MECOM: variants seen among roughly 807,000 people sequenced by gnomAD.
The protein encoded by MECOM is histone-lysine N-methyltransferase MECOM.
MECOM carries 13 observed loss-of-function variants against 116.3 expected under a neutral mutation model. The observed-to-expected ratio is 0.11, with a 90% CI of 0.07 to 0.18. The LOEUF (loss-of-function observed/expected upper bound fraction) is 0.18, where lower values mean the gene tolerates loss of function less well. Among genes scored for constraint, MECOM ranks in the 10% least tolerant of loss-of-function variants. The pLI, the probability that MECOM is intolerant of heterozygous loss-of-function variation, is 1.00. For missense variants in MECOM, 1,299 were observed against 1,509.0 expected (o/e 0.86, Z 2.31); for synonymous variants, 528 against 535.2 (o/e 0.99, Z 0.19).
chr3:169,326,901 G>T (rs1721920738), intron 2 of MECOM, among the ~76,000 whole-genome samples: 1 of 152,126 alleles, frequency 6.6e-6, no homozygotes, highest in African/African-American at 2.4e-5. Flanking sequence ...GACAATGTGG[G>T]TATATTTTAT....
intron 2 of MECOM, among the ~76,000 whole-genome samples, chr3:169,364,285 C>G (rs779995500): frequency 1.3e-5 from 2 of 151,932 alleles, no homozygotes; most frequent in South Asian, 4.1e-4. Flanking sequence ...GACATTATTA[C>G]TGCATAAGGA....
chr3:169,113,011 A>C, intron 8 of MECOM, 137 bp from the exon 9 acceptor site: 1 of 607,248 alleles, frequency 1.6e-6, no homozygotes, highest in Non-Finnish European at 2.8e-6. Context: ...CTATAGAGAC[A>C]TCTGTCCAGT....
At chr3:169,438,564 T>C (rs773246647) in intron 1 of MECOM, among the ~76,000 whole-genome samples, 13 of 152,328 alleles carry the variant, frequency 8.5e-5, no homozygotes, top group Non-Finnish European at 1.8e-4. Flanking sequence ...GTTGAGAGCT[T>C]ATCCCAGGGG....
At chr3:169,281,176 C>T (rs188648355) in intron 2 of MECOM, among the ~76,000 whole-genome samples, 1 of 152,330 alleles carries the variant, frequency 6.6e-6, no homozygotes, top group East Asian at 1.9e-4. Context: ...GCAGAATCTC[C>T]ATCCCCACCC....
At chr3:169,563,421 C>A (rs1762880664) in intron 1 of MECOM, among the ~76,000 whole-genome samples, 1 of 152,214 alleles carries the variant, frequency 6.6e-6, no homozygotes, top group Non-Finnish European at 1.5e-5. Context: ...TTGATATTGA[C>A]ATATCCCATG....
chr3:169,530,660 C>G (rs190774458), intron 1 of MECOM, among the ~76,000 whole-genome samples: 4 of 152,240 alleles, frequency 2.6e-5, no homozygotes, highest in African/African-American at 7.2e-5. Flanking sequence ...GGAGCGTAGA[C>G]AGCCTAATGT....
chr3:169,381,819 T>C (rs959154619), intron 1 of MECOM, among the ~76,000 whole-genome samples: 16 of 152,186 alleles, frequency 1.1e-4, no homozygotes, highest in African/African-American at 2.9e-4. Flanking sequence ...AACTTCATTA[T>C]TGGTCTGACT....
At chr3:169,262,149 C>T (rs1285740328) in intron 2 of MECOM, among the ~76,000 whole-genome samples, 1 of 152,198 alleles carries the variant, frequency 6.6e-6, no homozygotes, top group Non-Finnish European at 1.5e-5. Context: ...ATAGTAACAT[C>T]CTGATTTTTA....
At chr3:169,517,940 C>T (rs750953129) in intron 1 of MECOM, among the ~76,000 whole-genome samples, 1 of 152,194 alleles carries the variant, frequency 6.6e-6, no homozygotes, top group Non-Finnish European at 1.5e-5. Context: ...TTGTGCATAG[C>T]TATTTAATTA....
chr3:169,239,233 A>C (rs1468968629), intron 2 of MECOM, among the ~76,000 whole-genome samples: 1 of 152,136 alleles, frequency 6.6e-6, no homozygotes, highest in Non-Finnish European at 1.5e-5. Context: ...CAAAATAGTC[A>C]GATATGGTAC....
chr3:169,581,221 A>G (rs1433478029), intron 1 of MECOM, among the ~76,000 whole-genome samples: 1 of 152,216 alleles, frequency 6.6e-6, no homozygotes, highest in East Asian at 1.9e-4. Flanking sequence ...TGTCCAAATG[A>G]GTCCTGGGAA....
intron 7 of MECOM, among the ~76,000 whole-genome samples, chr3:169,118,042 T>C (rs985663328): frequency 4.6e-5 from 7 of 152,120 alleles, no homozygotes; most frequent in African/African-American, 1.7e-4. Flanking sequence ...ATTGCTTTCA[T>C]ATGATGGCTG....
At chr3:169,626,226 T>C (rs1255071583) in intron 1 of MECOM, among the ~76,000 whole-genome samples, 4 of 152,222 alleles carry the variant, frequency 2.6e-5, no homozygotes, top group African/African-American at 9.7e-5. Flanking sequence ...ATCCTCACCC[T>C]CCTAAACCTG....
rs571845371 is a variant in MECOM, at chr3:169,362,399, C to T, written c.375+18788G>A. Among the ~76,000 whole-genome samples the T allele has an allele frequency of 3.9e-5, 6 of 151,914 alleles. No individual in the cohort carries two copies. In the South Asian group the frequency reaches 1.0e-3, roughly 26 times the overall value. ...TAAAGTCAAATGACTTTTCCAAGTT[C>T]CCAAGTCTGACTTGTGCAAAAATTC... On this transcript the variant is annotated intron_variant, in intron 2 of 16. Coordinates refer to ENST00000651503, the MANE Select transcript of MECOM (RefSeq NM_004991.4).
intron 11 of MECOM, among the ~76,000 whole-genome samples, chr3:169,101,859 G>C (rs368244097): frequency 1.3e-5 from 2 of 152,184 alleles, no homozygotes; most frequent in Non-Finnish European, 2.9e-5. Flanking sequence ...CAAATGTCCT[G>C]TGTTAAAATT....
chr3:169,245,720 C>T (rs1043414651), intron 2 of MECOM, among the ~76,000 whole-genome samples: 4 of 152,148 alleles, frequency 2.6e-5, no homozygotes, highest in Admixed American at 2.0e-4. Flanking sequence ...CCACACTTCC[C>T]TACATAATCC....
chr3:169,415,632 A>G (rs192142628), intron 1 of MECOM, among the ~76,000 whole-genome samples: 16 of 152,190 alleles, frequency 1.1e-4, no homozygotes, highest in Admixed American at 2.0e-4. Flanking sequence ...TATTCAGGAG[A>G]CCCATCTCAT....
At chr3:169,109,242 TACA>T (rs1478374853) in intron 9 of MECOM, among the ~76,000 whole-genome samples, 1 of 152,212 alleles carries the variant, frequency 6.6e-6, no homozygotes, top group Non-Finnish European at 1.5e-5. Context: ...GGGAAGCCTC[TACA>T]ACGCTTATTT....
chr3:169,662,555 G>A (rs1349476211), intron 1 of MECOM, among the ~76,000 whole-genome samples: 1 of 152,032 alleles, frequency 6.6e-6, no homozygotes, highest in Non-Finnish European at 1.5e-5. Context: ...GGAGCCGGTA[G>A]CTCTGCTCTG....
Sources: gnomAD v4.1 joint callset for allele counts (sites outside exome capture counted in the v4.1 genomes callset) on GRCh38, gnomAD v4.1.1 for gene constraint, MANE v1.5 for transcripts, NCBI Gene and HGNC (gene_info 2026-07-23, HGNC 2026-07-21) for gene names.